RP1L1: variants seen among roughly 807,000 people sequenced by gnomAD.
RP1L1 encodes the protein RP1 like 1, also known as retinitis pigmentosa 1-like 1 protein.
In RP1L1, 27 loss-of-function variants were observed where a neutral mutation model predicts 15.7. That is an observed-to-expected ratio of 1.72 (90% CI 1.27 to 2.38). The LOEUF (loss-of-function observed/expected upper bound fraction) is 2.38. Ranked by LOEUF, RP1L1 falls within the 30% of genes most tolerant of loss-of-function variation. The pLI is 0.00. For synonymous variants in RP1L1, 1,813 were observed against 1,276.7 expected (o/e 1.42, Z -8.96); for missense variants, 4,798 against 3,075.9 (o/e 1.56, Z -13.24).
In RP1L1 at chr8:10,611,954, G is replaced by A; in HGVS notation, c.2144C>T (p.Ala715Val). 1.4e-5 allele frequency: 23 copies of A among 1,613,884 alleles called. No individual in the cohort carries two copies. The highest frequency in any genetic ancestry group is 1.9e-5 in the Non-Finnish European group (23 of 1,180,002). The change falls in exon 4 of 4, where the codon GCC (alanine) becomes GTC (valine). Residue 715 changes from alanine to valine, a missense_variant. Transcript: ENST00000382483. ...SGSSSSTRTQ[A>V]SGNLRPPSSG... is the part of the protein sequence containing the mutation. ...GGAGGGAGGTCTCAGGTTCCCAGAGGCCTGTGTCCTGGTGCTCGATGAGCT... is the reference window on the plus strand; with the variant it reads ...GGAGGGAGGTCTCAGGTTCCCAGAGACCTGTGTCCTGGTGCTCGATGAGCT...
At chr8:10,645,355 A>T (rs6601498) in intron 1 of RP1L1, among the ~76,000 whole-genome samples, 6 of 152,184 alleles carry the variant, frequency 3.9e-5, no homozygotes, top group Non-Finnish European at 8.8e-5. Context: ...AAACAAAAAT[A>T]TCTATAATGC....
At chr8:10,633,578 T>G (rs1465621546) in intron 1 of RP1L1, among the ~76,000 whole-genome samples, 1 of 151,910 alleles carries the variant, frequency 6.6e-6, no homozygotes, top group African/African-American at 2.4e-5. Flanking sequence ...GCCGGGGAAA[T>G]CGCAAACCCA....
At chr8:10,620,865 T>G (rs552097275) in intron 2 of RP1L1, among the ~76,000 whole-genome samples, 143 of 152,268 alleles carry the variant, frequency 9.4e-4, no homozygotes, top group African/African-American at 3.4e-3. Flanking sequence ...CCACGGCCCA[T>G]GTAGTGAGGA....
chr8:10,626,771 A>C (rs1294587561), intron 1 of RP1L1, among the ~76,000 whole-genome samples: 1 of 152,246 alleles, frequency 6.6e-6, no homozygotes, highest in African/African-American at 2.4e-5. Context: ...AGAATGACAA[A>C]AAGCGAAGCA....
chr8:10,649,013 C>A (rs1001648077), intron 1 of RP1L1, among the ~76,000 whole-genome samples: 2 of 152,172 alleles, frequency 1.3e-5, no homozygotes, highest in African/African-American at 4.8e-5. Context: ...CGCCTCCCAG[C>A]CCTACTTTCA....
At chr8:10,640,489 C>T (rs537395062) in intron 1 of RP1L1, among the ~76,000 whole-genome samples, 37 of 151,936 alleles carry the variant, frequency 2.4e-4, no homozygotes, top group African/African-American at 8.4e-4. Flanking sequence ...GTGGTCTCTA[C>T]TAAAAATACA....
chr8:10,609,570 C>A lies in RP1L1; in HGVS notation c.4528G>T (p.Ala1510Ser). The part of the protein sequence containing the change: ...AERSSSVACS[A>S]ALDCDPIWVS... ...CAGATGGGGTCGCAGTCCAGAGCCG[C>A]GCTGCAGGCCACCGAAGAGCTCCTC... The change falls in exon 4 of 4, where the codon GCG (alanine) becomes TCG (serine). Residue 1510 changes from alanine (A) to serine (S), a missense_variant. Coordinates refer to ENST00000382483, the MANE Select transcript of RP1L1 (RefSeq NM_178857.6). 6.2e-7 allele frequency: 1 copy of A among 1,603,462 alleles called. No homozygotes were observed. Among genetic ancestry groups the A allele is most frequent in the Non-Finnish European group, 8.5e-7 (1 of 1,177,276 alleles).
chr8:10,646,044 A>C (rs1240661546), intron 1 of RP1L1, among the ~76,000 whole-genome samples: 1 of 152,156 alleles, frequency 6.6e-6, no homozygotes, highest in African/African-American at 2.4e-5. Context: ...AGAGAACAAG[A>C]TAGAAGCCGT....
At chr8:10,642,380 G>T (rs1466697099) in intron 1 of RP1L1, among the ~76,000 whole-genome samples, 1 of 152,160 alleles carries the variant, frequency 6.6e-6, no homozygotes, top group African/African-American at 2.4e-5. Flanking sequence ...TCATTTTGAA[G>T]AGCTTCTAGG....
At position 10,613,056 on chromosome 8, in the gene RP1L1, C is replaced by T. The variant is rs769959259; in HGVS notation, c.1042G>A (p.Ala348Thr). The T allele has an allele frequency of 1.2e-5, 20 of 1,613,568 alleles. No homozygotes were observed. Among genetic ancestry groups the T allele is most frequent in the East Asian group, 2.2e-5 (1 of 44,864 alleles). ...LWSRRMGRAS[A>T]LTAASGEDPV... ...TCTTCCCCACTGGCTGCCGTGAGGG[C>T]GCTGGCCCTGCCCATCCTCCGGGAC... Residue 348 changes from alanine (A) to threonine (T), a missense_variant, in exon 4 of 4, where the codon GCC becomes ACC. Transcript: ENST00000382483.
intron 1 of RP1L1, among the ~76,000 whole-genome samples, chr8:10,635,790 A>G (rs1798320073): frequency 6.6e-6 from 1 of 152,256 alleles, no homozygotes; most frequent in South Asian, 2.1e-4. Flanking sequence ...TAGATTTGGA[A>G]CTAATCCAAG....
intron 1 of RP1L1, among the ~76,000 whole-genome samples, chr8:10,638,141 T>A (rs1029625955): frequency 6.6e-6 from 1 of 152,254 alleles, no homozygotes. Context: ...TAATGCAGTA[T>A]TTTGTTAGTT....
At chr8:10,626,618 T>A (rs1304851049) in intron 1 of RP1L1, among the ~76,000 whole-genome samples, 1 of 151,586 alleles carries the variant, frequency 6.6e-6, no homozygotes, top group African/African-American at 2.4e-5. Context: ...TACAAACCAT[T>A]TAAGAAAGGA....
chr8:10,634,700 G>T (rs1411360662), intron 1 of RP1L1, among the ~76,000 whole-genome samples: 1 of 152,162 alleles, frequency 6.6e-6, no homozygotes, highest in Admixed American at 6.5e-5. Context: ...ACAGGCCCAG[G>T]GACAGCTGCT....
At chr8:10,643,004 G>A (rs1798429184) in intron 1 of RP1L1, among the ~76,000 whole-genome samples, 1 of 152,166 alleles carries the variant, frequency 6.6e-6, no homozygotes, top group South Asian at 2.1e-4. Flanking sequence ...TTATCTCCTT[G>A]AGGCCTCTTA....
At chr8:10,622,247 A>T (rs1460753814) in intron 2 of RP1L1, among the ~76,000 whole-genome samples, 1 of 151,844 alleles carries the variant, frequency 6.6e-6, no homozygotes, top group Non-Finnish European at 1.5e-5. Context: ...TGGAACCCAG[A>T]AGGCAGAGGT....
At position 10,611,769 on chromosome 8, in the gene RP1L1, G is replaced by A. The variant is rs1161577107; in HGVS notation, c.2329C>T (p.Pro777Ser). The change falls in exon 4 of 4, where the codon CCT (proline) becomes TCT (serine). Residue 777 changes from proline to serine, a missense_variant. Coordinates refer to ENST00000382483, the MANE Select transcript of RP1L1 (RefSeq NM_178857.6). ...GSRTCSPAPI[P>S]PHTSDSCSKS... is the part of the protein sequence containing the mutation. Reference sequence around the variant, plus strand: ...GAGCAGGAGTCGGATGTGTGGGGAGGTATGGGGGCCGGCGAGCATGTCCTG... The same window carrying A: ...GAGCAGGAGTCGGATGTGTGGGGAGATATGGGGGCCGGCGAGCATGTCCTG... 6.2e-7 allele frequency: 1 copy of A among 1,613,558 alleles called. No homozygotes were observed. The highest frequency in any genetic ancestry group is 1.1e-5 in the South Asian group (1 of 91,088).
chr8:10,649,384 C>T (rs1798526222), intron 1 of RP1L1, among the ~76,000 whole-genome samples: 1 of 152,220 alleles, frequency 6.6e-6, no homozygotes, highest in African/African-American at 2.4e-5. Flanking sequence ...AGCCTTCAAC[C>T]TTCATTTGTG....
chr8:10,606,987 C>T lies in RP1L1; in HGVS notation c.7111G>A (p.Asp2371Asn), dbSNP rs2117188404. ...CCGAGTGCCTGGTCCTCTTGTAGGTCATAACCTTCACTGGCCCCCTGCTCT... is the reference window on the plus strand; with the variant it reads ...CCGAGTGCCTGGTCCTCTTGTAGGTTATAACCTTCACTGGCCCCCTGCTCT... ...TPEQGASEGYDLQEDQALGSL... is the reference protein window; with the variant it reads ...TPEQGASEGYNLQEDQALGSL... The change falls in exon 4 of 4, where the codon GAC becomes AAC. Residue 2371 changes from aspartate to asparagine, a missense_variant. Physicochemically the swap from Asp to Asn is conservative, Grantham distance 23. Transcript: ENST00000382483. 1.2e-6 allele frequency: 2 copies of T among 1,614,224 alleles called. No homozygotes were observed. Among genetic ancestry groups the T allele is most frequent in the Non-Finnish European group, 1.7e-6 (2 of 1,180,046 alleles).
Sources: allele counts gnomAD v4.1 joint callset (sites outside exome capture counted in the v4.1 genomes callset), GRCh38; gene constraint gnomAD v4.1.1; transcripts MANE v1.5; gene names NCBI Gene and HGNC (gene_info 2026-07-23, HGNC 2026-07-21).